The following IQGAP1 variants were observed in gnomAD, a reference collection of about 807,000 sequenced individuals.
IQGAP1 encodes IQ motif containing GTPase activating protein 1.
In IQGAP1, 66 loss-of-function variants were observed where a neutral mutation model predicts 215.6. That is an observed-to-expected ratio of 0.31 (90% CI 0.25 to 0.38). IQGAP1 has a LOEUF of 0.38. IQGAP1 is among the 10% of genes least tolerant of loss of function. IQGAP1 has a pLI of 1.00. For missense variants in IQGAP1, 1,712 were observed against 1,997.1 expected (o/e 0.86, Z 2.72); for synonymous variants, 772 against 728.7 (o/e 1.06, Z -0.96).
intron 13 of IQGAP1, among the ~76,000 whole-genome samples, chr15:90,453,604 C>T (rs1053848542): frequency 6.6e-6 from 1 of 152,164 alleles, no homozygotes. Context: ...CCAAACTGTC[C>T]TTTATAGCTG....
At chr15:90,419,605 A>G (rs1483865457) in intron 2 of IQGAP1, among the ~76,000 whole-genome samples, 1 of 152,252 alleles carries the variant, frequency 6.6e-6, no homozygotes, top group Admixed American at 6.5e-5. Flanking sequence ...CATAAAAAAT[A>G]TAAGAGTTTT....
At chr15:90,478,278 A>C (rs1428230556) in intron 26 of IQGAP1, among the ~76,000 whole-genome samples, 1 of 152,210 alleles carries the variant, frequency 6.6e-6, no homozygotes, top group African/African-American at 2.4e-5. Flanking sequence ...GCTGTGAGCC[A>C]CCACACCCAG....
chr15:90,454,811 G>A (rs2151024466), intron 14 of IQGAP1, among the ~76,000 whole-genome samples: 1 of 152,324 alleles, frequency 6.6e-6, no homozygotes. Flanking sequence ...GTTATAACAA[G>A]TAGTCCTGAC....
chr15:90,394,157 A>C (rs944985248), intron 2 of IQGAP1, among the ~76,000 whole-genome samples: 1 of 125,924 alleles, frequency 7.9e-6, no homozygotes, highest in African/African-American at 3.0e-5. Flanking sequence ...AAAAAAAAAA[A>C]GGCAGTGGAG....
chr15:90,475,295 G>A (rs575852264), intron 23 of IQGAP1, among the ~76,000 whole-genome samples: 44 of 152,044 alleles, frequency 2.9e-4, no homozygotes, highest in African/African-American at 1.0e-3. Flanking sequence ...CACGACACCC[G>A]GCTTTTTTGC....
intron 2 of IQGAP1, among the ~76,000 whole-genome samples, chr15:90,421,469 C>T (rs1204026395): frequency 7.0e-6 from 1 of 143,318 alleles, no homozygotes; most frequent in Non-Finnish European, 1.5e-5. Context: ...GAGCGAGACT[C>T]CGTTTCAAAA....
chr15:90,480,628 A>G (rs937827001), intron 26 of IQGAP1, among the ~76,000 whole-genome samples: 1 of 152,174 alleles, frequency 6.6e-6, no homozygotes, highest in African/African-American at 2.4e-5. Flanking sequence ...TAGCCATGCT[A>G]TGACAAATGA....
chr15:90,494,946 A>G (rs989712789), intron 36 of IQGAP1, 111 bp downstream of exon 36: 15 of 692,104 alleles, frequency 2.2e-5, no homozygotes, highest in Middle Eastern at 4.2e-4. Context: ...AGTATTTTTT[A>G]TGTATTTATA....
rs961359920 is a variant in IQGAP1, at chr15:90,413,059, T to G, written c.156-13051T>G. Among the ~76,000 whole-genome samples the G allele has an allele frequency of 4.6e-5, 7 of 152,210 alleles. No homozygotes were observed. The East Asian group carries it at 1.2e-3, about 25-fold the overall frequency. ...AGGTTTACCACAGTAGAGTTCTCAG[T>G]ATAGTTATTTATTTGTCTTGCTGAG... On this transcript the variant is annotated intron_variant, in intron 2 of 37. Coordinates refer to ENST00000268182, the MANE Select transcript of IQGAP1 (RefSeq NM_003870.4).
Position 90,483,489 on chromosome 15 carries a change from T to G in IQGAP1, c.3684T>G (p.Ile1228Met). The G allele has an allele frequency of 1.9e-6, 3 of 1,614,218 alleles. No individual in the cohort carries two copies. The highest frequency in any genetic ancestry group is 2.5e-6 in the Non-Finnish European group (3 of 1,180,036). The change falls in exon 29 of 38, where the codon ATT (isoleucine) becomes ATG (methionine). Residue 1228 changes from isoleucine to methionine, a missense_variant. This residue lies in a region of IQGAP1 where 691 missense variants were observed against 923.0 expected (regional missense o/e 0.75). Coordinates refer to ENST00000268182, the MANE Select transcript of IQGAP1 (RefSeq NM_003870.4). Reference protein sequence around the residue: ...TTDQRRNLGSIAKMLQHAASN... With the variant: ...TTDQRRNLGSMAKMLQHAASN... ...ACCAACGCCGAAATCTGGGCTCCAT[T>G]GCAAAAATGCTTCAGCATGCTGCTT... is the stretch of plus-strand genomic sequence containing the variant.
intron 2 of IQGAP1, among the ~76,000 whole-genome samples, chr15:90,396,471 T>A (rs1239066474): frequency 6.6e-6 from 1 of 152,160 alleles, no homozygotes; most frequent in African/African-American, 2.4e-5. Context: ...AGAAGTCTAG[T>A]TATCTCATGA....
At chr15:90,447,147 A>G (rs566353243) in intron 9 of IQGAP1, among the ~76,000 whole-genome samples, 1 of 152,328 alleles carries the variant, frequency 6.6e-6, no homozygotes, top group Admixed American at 6.5e-5. Flanking sequence ...ATCCTCAGTA[A>G]ATATCATTGA....
At chr15:90,462,392 T>C (rs2151027627) in intron 15 of IQGAP1, among the ~76,000 whole-genome samples, 1 of 152,320 alleles carries the variant, frequency 6.6e-6, no homozygotes, top group African/African-American at 2.4e-5. Context: ...AATCCCACTA[T>C]ATGGCAACTA....
At chr15:90,485,341 G>A (rs1350753902) in intron 30 of IQGAP1, among the ~76,000 whole-genome samples, 1 of 152,168 alleles carries the variant, frequency 6.6e-6, no homozygotes, top group Non-Finnish European at 1.5e-5. Flanking sequence ...TTAAGTAAAA[G>A]CGTGCACGTG....
intron 17 of IQGAP1, among the ~76,000 whole-genome samples, 167 bp downstream of exon 17, chr15:90,466,603 T>TCCC (rs372502355): frequency 1.2e-4 from 17 of 143,406 alleles, no homozygotes; most frequent in African/African-American, 4.4e-4. Flanking sequence ...AAAATATCCT[T>TCCC]CCCCCCCCCC....
At chr15:90,476,256 G>A (rs908160697) in intron 23 of IQGAP1, among the ~76,000 whole-genome samples, 1 of 151,974 alleles carries the variant, frequency 6.6e-6, no homozygotes, top group Non-Finnish European at 1.5e-5. Context: ...TTTAACAGTA[G>A]CATATTAGAT....
Position 90,468,490 on chromosome 15 carries a change from G to C in IQGAP1, c.2178+898G>C, listed in dbSNP as rs545029526. ...TGTCTCTCCCCTGCCATCTATATCT[G>C]TCAAAATTCTTTCCTTCCCTTTGTA... On this transcript the variant is annotated intron_variant, in intron 18 of 37. Transcript: ENST00000268182. 1.4e-4 allele frequency among the ~76,000 whole-genome samples: 22 copies of C among 152,298 alleles called. No individual in the cohort carries two copies. The East Asian group carries it at 4.3e-3, about 29-fold the overall frequency.
chr15:90,438,890 A>G (rs933521924), intron 5 of IQGAP1, among the ~76,000 whole-genome samples: 2 of 151,926 alleles, frequency 1.3e-5, no homozygotes, highest in African/African-American at 4.8e-5. Flanking sequence ...ACGCCTGGCT[A>G]ATTTTTGTAT....
At chr15:90,471,614 C>A (rs1040429008) in intron 18 of IQGAP1, among the ~76,000 whole-genome samples, 1 of 152,110 alleles carries the variant, frequency 6.6e-6, no homozygotes, top group Non-Finnish European at 1.5e-5. Flanking sequence ...ATTCTCCTGC[C>A]TCAGCCTCCC....
Sources: gnomAD v4.1 joint callset for allele counts (sites outside exome capture counted in the v4.1 genomes callset) on GRCh38, gnomAD v4.1.1 for gene constraint, gnomAD v4.1.1 regional missense constraint, MANE v1.5 for transcripts, NCBI Gene and HGNC (gene_info 2026-07-23, HGNC 2026-07-21) for gene names.